DOCK3: variants seen among roughly 807,000 people sequenced by gnomAD.
The protein encoded by DOCK3 is dedicator of cytokinesis 3, also known as dedicator of cytokinesis protein 3.
In DOCK3, 60 loss-of-function variants were observed where a neutral mutation model predicts 265.6. The ratio of observed to expected loss-of-function variants is 0.23; its 90% CI spans 0.18 to 0.28. DOCK3 has a LOEUF of 0.28. Among genes scored for constraint, DOCK3 ranks in the 10% least tolerant of loss-of-function variants. The pLI is 1.00. For missense variants in DOCK3, 1,981 were observed against 2,594.3 expected (o/e 0.76, Z 5.14); for synonymous variants, 881 against 938.0 (o/e 0.94, Z 1.11).
At chr3:51,176,361 A>T (rs1271968725) in intron 12 of DOCK3, among the ~76,000 whole-genome samples, 3 of 152,154 alleles carry the variant, frequency 2.0e-5, no homozygotes, top group Non-Finnish European at 2.9e-5. Context: ...TCACGCCTGT[A>T]ATCCTAGCAC....
In DOCK3 at chr3:51,361,562, T is replaced by C. The variant is rs1322122451; in HGVS notation, c.5007-297T>C. Reference sequence around the variant, plus strand: ...CTTTGACCTGATTTGGCATATCTCTTATTCCTCCTGAGAAACTGCTAATGT... The same window carrying C: ...CTTTGACCTGATTTGGCATATCTCTCATTCCTCCTGAGAAACTGCTAATGT... On this transcript the variant is annotated intron_variant, in intron 47 of 52. Coordinates refer to ENST00000266037, the MANE Select transcript of DOCK3 (RefSeq NM_004947.5). The surrounding 1 kb of genome is among the most constrained non-coding windows in gnomAD (Gnocchi z 4.2). Among the ~76,000 whole-genome samples, 1 of 152,116 alleles carries C rather than the reference T, an allele frequency of 6.6e-6. No individual in the cohort carries two copies.
At chr3:51,086,471 C>CA (rs2082432758) in intron 7 of DOCK3, among the ~76,000 whole-genome samples, 1 of 151,662 alleles carries the variant, frequency 6.6e-6, no homozygotes, top group Non-Finnish European at 1.5e-5. Flanking sequence ...AAGTCAGAAA[C>CA]AAAAAAGGAT....
intron 3 of DOCK3, among the ~76,000 whole-genome samples, chr3:50,849,677 C>G (rs2046268535): frequency 6.6e-6 from 1 of 152,144 alleles, no homozygotes; most frequent in Non-Finnish European, 1.5e-5. Context: ...CTAGAATATT[C>G]AAAATCAGAG....
chr3:50,680,005 A>C (rs1217268858), intron 1 of DOCK3, among the ~76,000 whole-genome samples: 1 of 152,174 alleles, frequency 6.6e-6, no homozygotes, highest in Non-Finnish European at 1.5e-5. Context: ...GATACTTTAG[A>C]TAGTAAGTGC....
At chr3:50,972,182 A>G (rs1306854090) in intron 5 of DOCK3, among the ~76,000 whole-genome samples, 1 of 152,162 alleles carries the variant, frequency 6.6e-6, no homozygotes, top group African/African-American at 2.4e-5. Context: ...GTATGCTGCT[A>G]CTGGGAGGGG....
Position 51,270,992 on chromosome 3 carries a change from CT to C in DOCK3, c.2534del (p.Leu845ArgfsTer23). 6.2e-7 allele frequency: 1 copy of C among 1,612,532 alleles called. No homozygotes were observed. Among genetic ancestry groups the C allele is most frequent in the Non-Finnish European group, 8.5e-7 (1 of 1,179,446 alleles). ...CATTGCCAGGACAGTGGATAGCCGC[CT>C]GTTTTCTTTCTCAGGTAAATCAAGT... Reference protein sequence around the residue: ...QSIARTVDSRLFSFSESRRIL... With the variant: ...QSIARTVDSRXFSFSESRRIL... On this transcript the variant is annotated frameshift_variant, in exon 24 of 53. Coordinates refer to ENST00000266037, the MANE Select transcript of DOCK3 (RefSeq NM_004947.5). LOFTEE classifies it high-confidence loss of function.
At chr3:51,297,401 C>T (rs543211640) in intron 27 of DOCK3, among the ~76,000 whole-genome samples, 2 of 152,160 alleles carry the variant, frequency 1.3e-5, no homozygotes, top group African/African-American at 4.8e-5. Context: ...AGATAACCCA[C>T]AGAATGGGAG....
intron 5 of DOCK3, among the ~76,000 whole-genome samples, chr3:51,040,310 GT>G (rs371364695): frequency 1.3e-3 from 200 of 151,906 alleles, no homozygotes; most frequent in African/African-American, 4.8e-3. Flanking sequence ...TGTAAATGTG[GT>G]TCCAGATTAC....
At chr3:51,297,117 CAAAAAAAA>C (rs71633066) in intron 27 of DOCK3, among the ~76,000 whole-genome samples, 6 of 65,912 alleles carry the variant, frequency 9.1e-5, no homozygotes, top group East Asian at 5.8e-4. Context: ...GACTCTGTCT[CAAAAAAAA>C]AAAAAAAAAA....
At chr3:50,927,496 C>T (rs983745809) in intron 4 of DOCK3, among the ~76,000 whole-genome samples, 2 of 152,238 alleles carry the variant, frequency 1.3e-5, no homozygotes, top group East Asian at 1.9e-4. Flanking sequence ...TTTCTCATTA[C>T]ACATTGTGTG....
chr3:50,889,848 G>A (rs1346386847), intron 3 of DOCK3, among the ~76,000 whole-genome samples, 178 bp from the exon 4 acceptor site: 1 of 151,970 alleles, frequency 6.6e-6, no homozygotes, highest in African/African-American at 2.4e-5. Flanking sequence ...ATTGCATATG[G>A]CCGTGAAATT....
intron 5 of DOCK3, among the ~76,000 whole-genome samples, chr3:50,974,754 G>A (rs1258713248): frequency 7.4e-6 from 1 of 134,734 alleles, no homozygotes; most frequent in South Asian, 2.9e-4. Flanking sequence ...TCACGATATT[G>A]ATTCTTCCTA....
chr3:51,051,433 A>G (rs1258666948), intron 5 of DOCK3, among the ~76,000 whole-genome samples: 1 of 152,220 alleles, frequency 6.6e-6, no homozygotes, highest in African/African-American at 2.4e-5. Context: ...GAGGCAAGGC[A>G]AGAAATGTGG....
At position 51,381,103 on chromosome 3, in the gene DOCK3, C is replaced by A; in HGVS notation, c.5637C>A (p.Asp1879Glu). Reference protein sequence around the residue: ...ASPTSPQSGLDGSNSTLSGSA... With the variant: ...ASPTSPQSGLEGSNSTLSGSA... ...CCACAAGCCCCCAGTCAGGTCTGGA[C>A]GGCAGCAACTCTACGCTGTCCGGCA... The change falls in exon 53 of 53, where the codon GAC becomes GAA. Residue 1879 changes from aspartate (D) to glutamate (E), a missense_variant. By Grantham distance (45) the Asp-to-Glu change is conservative. Transcript: ENST00000266037. The surrounding 1 kb of genome is among the most constrained non-coding windows in gnomAD (Gnocchi z 5.6). 1.2e-6 allele frequency: 2 copies of A among 1,613,358 alleles called. No homozygotes were observed. Among genetic ancestry groups the A allele is most frequent in the Non-Finnish European group, 1.7e-6 (2 of 1,179,582 alleles).
At chr3:51,115,368 T>G (rs181146921) in intron 9 of DOCK3, among the ~76,000 whole-genome samples, 5 of 152,320 alleles carry the variant, frequency 3.3e-5, no homozygotes, top group South Asian at 2.1e-4. Flanking sequence ...CTCACTGTGG[T>G]TTTGATTTGC....
At chr3:51,117,041 A>G (rs1049273842) in intron 9 of DOCK3, among the ~76,000 whole-genome samples, 1 of 152,196 alleles carries the variant, frequency 6.6e-6, no homozygotes, top group Non-Finnish European at 1.5e-5. Context: ...GTCTTGTGCC[A>G]GTTTTCAAGG....
intron 4 of DOCK3, chr3:50,900,758 T>G (rs549525326): frequency 1.1e-4 from 49 of 446,814 alleles, no homozygotes; most frequent in South Asian, 7.6e-4. Flanking sequence ...TGCTGGAGTT[T>G]GCAGGAGGTC....
chr3:51,038,470 G>C (rs1347860661), intron 5 of DOCK3, among the ~76,000 whole-genome samples: 2 of 152,126 alleles, frequency 1.3e-5, no homozygotes, highest in African/African-American at 4.8e-5. Context: ...ATACACTGTG[G>C]AGATGAACAC....
chr3:50,831,142 C>G (rs1215231611), intron 2 of DOCK3, among the ~76,000 whole-genome samples: 1 of 151,442 alleles, frequency 6.6e-6, no homozygotes, highest in Non-Finnish European at 1.5e-5. Context: ...TCATTGCCAT[C>G]TTGGTTTTGG....
Sources: allele counts gnomAD v4.1 joint callset (sites outside exome capture counted in the v4.1 genomes callset), GRCh38; gene constraint gnomAD v4.1.1; non-coding constraint Gnocchi (gnomAD v3.1); transcripts MANE v1.5; gene names NCBI Gene and HGNC (gene_info 2026-07-23, HGNC 2026-07-21).